Variants in TAX1BP1 observed in about 807,000 individuals in gnomAD.
TAX1BP1 encodes tax1-binding protein 1.
A neutral mutation model predicts 97.7 loss-of-function variants in TAX1BP1; 62 were observed. The observed-to-expected ratio is 0.63, with a 90% CI of 0.52 to 0.78. TAX1BP1 has a LOEUF of 0.78. TAX1BP1 is among the 30% of genes least tolerant of loss of function. The pLI is 0.00. For synonymous variants in TAX1BP1, 340 were observed against 304.2 expected (o/e 1.12, Z -1.23); for missense variants, 867 against 916.1 (o/e 0.95, Z 0.69).
chr7:27,779,700 G>A (rs1789179724), intron 5 of TAX1BP1, among the ~76,000 whole-genome samples: 1 of 152,170 alleles, frequency 6.6e-6, no homozygotes, highest in South Asian at 2.1e-4. Context: ...AGTTTTTGTT[G>A]TTCTTAATGT....
At chr7:27,773,175 A>G (rs992907929) in intron 5 of TAX1BP1, among the ~76,000 whole-genome samples, 8 of 152,128 alleles carry the variant, frequency 5.3e-5, no homozygotes, top group Non-Finnish European at 8.8e-5. Flanking sequence ...TTGCACAGTT[A>G]GTAAGTGATA....
intron 15 of TAX1BP1, among the ~76,000 whole-genome samples, chr7:27,818,663 C>G (rs937015383): frequency 6.6e-6 from 1 of 152,122 alleles, no homozygotes; most frequent in Non-Finnish European, 1.5e-5. Flanking sequence ...TTTTGTGACT[C>G]CCGTTTACCT....
At chr7:27,747,174 G>T (rs1206767792) in intron 1 of TAX1BP1, among the ~76,000 whole-genome samples, 1 of 152,186 alleles carries the variant, frequency 6.6e-6, no homozygotes, top group Non-Finnish European at 1.5e-5. Context: ...AGCAAGTGCA[G>T]TCAGGACAGT....
Position 27,828,813 on chromosome 7 carries a change from T to C in TAX1BP1, c.2354T>C (p.Val785Ala). The C allele has an allele frequency of 1.2e-6, 2 of 1,612,234 alleles. No individual in the cohort carries two copies. The highest frequency in any genetic ancestry group is 2.2e-5 in the East Asian group (1 of 44,844). Residue 785 changes from valine (V) to alanine (A), a missense_variant, in exon 17 of 17, where the codon GTT becomes GCT. Physicochemically the swap from Val to Ala is moderately conservative, Grantham distance 64. Transcript: ENST00000396319. ...RHVQTHFDQN[V>A]LNFD Reference sequence around the variant, plus strand: ...GTGCAGACCCATTTTGATCAGAATGTTCTAAATTTTGACTAGTTACTTTTT... The same window carrying C: ...GTGCAGACCCATTTTGATCAGAATGCTCTAAATTTTGACTAGTTACTTTTT...
intron 3 of TAX1BP1, 41 bp downstream of exon 3, chr7:27,758,174 C>T: frequency 6.9e-7 from 1 of 1,441,342 alleles, no homozygotes. Context: ...AACTAGATGT[C>T]TTATTGCCAT....
intron 3 of TAX1BP1, among the ~76,000 whole-genome samples, chr7:27,760,247 A>G (rs2128309967): frequency 6.6e-6 from 1 of 152,282 alleles, no homozygotes; most frequent in East Asian, 1.9e-4. Flanking sequence ...GTTTTAACAA[A>G]CTAAAAGAAA....
rs149311539 is a variant in TAX1BP1, at chr7:27,759,339, A to G, written c.265+1206A>G. Among the ~76,000 whole-genome samples, 216 of 152,322 alleles carry G rather than the reference A, an allele frequency of 1.4e-3. 1 individual carries two copies. Among genetic ancestry groups the G allele is most frequent in the Non-Finnish European group, 2.4e-3 (163 of 68,014 alleles). Reference sequence around the variant, plus strand: ...ACTGCCATGATTTCCAAGTAAGATAACATTGAGATACCTGTAACAATTGTA... The same window carrying G: ...ACTGCCATGATTTCCAAGTAAGATAGCATTGAGATACCTGTAACAATTGTA... On this transcript the variant is annotated intron_variant, in intron 3 of 16. Coordinates refer to ENST00000396319, the MANE Select transcript of TAX1BP1 (RefSeq NM_006024.7).
chr7:27,752,531 C>T (rs1488084419), intron 2 of TAX1BP1, among the ~76,000 whole-genome samples: 1 of 152,060 alleles, frequency 6.6e-6, no homozygotes, highest in Non-Finnish European at 1.5e-5. Context: ...ACAAAGGATA[C>T]TATGGTGGTT....
chr7:27,751,420 G>A (rs1001155666), intron 2 of TAX1BP1, among the ~76,000 whole-genome samples: 3 of 152,070 alleles, frequency 2.0e-5, no homozygotes, highest in African/African-American at 7.2e-5. Context: ...CATAATGTGT[G>A]TATAATAAAT....
intron 1 of TAX1BP1, among the ~76,000 whole-genome samples, chr7:27,744,432 G>A (rs1202605432): frequency 6.6e-6 from 1 of 152,140 alleles, no homozygotes. Flanking sequence ...GCCTAGTTTA[G>A]TATCTTTAAA....
At chr7:27,775,021 G>A (rs556393277) in intron 5 of TAX1BP1, among the ~76,000 whole-genome samples, 1 of 152,100 alleles carries the variant, frequency 6.6e-6, no homozygotes, top group East Asian at 1.9e-4. Context: ...TATGGAATTT[G>A]GTTTACATTT....
At chr7:27,744,256 G>C (rs1291439830) in intron 1 of TAX1BP1, among the ~76,000 whole-genome samples, 1 of 152,182 alleles carries the variant, frequency 6.6e-6, no homozygotes, top group Non-Finnish European at 1.5e-5. Context: ...CTCCCGAGTA[G>C]CTGGGACTAC....
chr7:27,766,662 C>T (rs1256219413), intron 4 of TAX1BP1, among the ~76,000 whole-genome samples: 1 of 151,988 alleles, frequency 6.6e-6, no homozygotes, highest in Non-Finnish European at 1.5e-5. Flanking sequence ...TCCTTATGTT[C>T]CTTTGCCTAA....
intron 13 of TAX1BP1, among the ~76,000 whole-genome samples, chr7:27,801,027 C>T (rs1408033655): frequency 6.6e-6 from 1 of 150,936 alleles, no homozygotes; most frequent in African/African-American, 2.4e-5. Context: ...TCGCTTGAAC[C>T]CTGGAGGCGG....
At position 27,816,488 on chromosome 7, in the gene TAX1BP1, A is replaced by G; in HGVS notation, c.1904A>G (p.Tyr635Cys). The G allele has an allele frequency of 1.3e-6, 2 of 1,553,820 alleles. No individual in the cohort carries two copies. Among genetic ancestry groups the G allele is most frequent in the South Asian group, 1.3e-5 (1 of 79,220 alleles). The change falls in exon 14 of 17, where the codon TAT becomes TGT. Residue 635 changes from tyrosine to cysteine, a missense_variant. By Grantham distance (194) the Tyr-to-Cys change is radical (BLOSUM62 -2). Around this residue, in one of 3 missense-constraint regions of TAX1BP1, gnomAD observed 822 missense variants for 851.4 expected, o/e 0.97. Coordinates refer to ENST00000396319, the MANE Select transcript of TAX1BP1 (RefSeq NM_006024.7). ...TCAAATGCACAACCAGTTCTGCAAT[A>G]TGGTAATCCTTATGCATCTCAGGAA... ...TLSNAQPVLQYGNPYASQETR... is the reference protein window; with the variant it reads ...TLSNAQPVLQCGNPYASQETR...
chr7:27,807,022 T>C (rs966699985), intron 13 of TAX1BP1, among the ~76,000 whole-genome samples: 9 of 152,112 alleles, frequency 5.9e-5, no homozygotes, highest in Admixed American at 1.3e-4. Flanking sequence ...GAAAATGGGA[T>C]TTTCTCTTTC....
chr7:27,802,743 G>A (rs1389283879), intron 13 of TAX1BP1, among the ~76,000 whole-genome samples: 2 of 152,008 alleles, frequency 1.3e-5, no homozygotes, highest in Admixed American at 6.6e-5. Flanking sequence ...ATTTATTCCC[G>A]GGGGCGTGAT....
rs549876448 is a variant in TAX1BP1 at position 27,790,780 on chromosome 7, C to G, written c.1039-1226C>G. On this transcript the variant is annotated intron_variant, in intron 8 of 16. Coordinates refer to ENST00000396319, the MANE Select transcript of TAX1BP1 (RefSeq NM_006024.7). The stretch of plus-strand genomic sequence containing the variant: ...GTAAATATCTGATGAGAAAAGATGC[C>G]AGTTACAGTTTATATAAGCCCACCT... Among the ~76,000 whole-genome samples the G allele has an allele frequency of 2.0e-5, 3 of 152,132 alleles. No individual in the cohort carries two copies. The South Asian group carries it at 6.2e-4, about 32-fold the overall frequency.
chr7:27,805,376 T>C (rs1339973058), intron 13 of TAX1BP1, among the ~76,000 whole-genome samples: 1 of 152,236 alleles, frequency 6.6e-6, no homozygotes, highest in African/African-American at 2.4e-5. Context: ...ATATTACCCC[T>C]TTATTTGTGA....
Sources: gnomAD v4.1 joint callset for allele counts (sites outside exome capture counted in the v4.1 genomes callset) on GRCh38, gnomAD v4.1.1 for gene constraint, gnomAD v4.1.1 regional missense constraint, MANE v1.5 for transcripts, NCBI Gene and HGNC (gene_info 2026-07-23, HGNC 2026-07-21) for gene names.